TMEM19: variants seen among roughly 807,000 people sequenced by gnomAD.
TMEM19 encodes transmembrane protein 19.
Under a neutral mutation model 33.6 loss-of-function variants are expected in TMEM19, and 21 were observed. The ratio of observed to expected loss-of-function variants is 0.62; its 90% CI spans 0.44 to 0.90. The LOEUF (loss-of-function observed/expected upper bound fraction) is 0.90. TMEM19 is among the 40% of genes least tolerant of loss of function. TMEM19 has a pLI of 0.00. For synonymous variants in TMEM19, 149 were observed against 147.5 expected (o/e 1.01, Z -0.07); for missense variants, 402 against 401.8 (o/e 1.00, Z 0.00).
chr12:71,697,759 A>G (rs1881900709), intron 4 of TMEM19, among the ~76,000 whole-genome samples: 2 of 152,222 alleles, frequency 1.3e-5, no homozygotes, highest in Non-Finnish European at 2.9e-5. Flanking sequence ...GATAAGCAAT[A>G]CAGGAACATA....
At chr12:71,690,570 T>C (rs1881768249) in intron 2 of TMEM19, 1 of 152,206 alleles carries the variant, frequency 6.6e-6, no homozygotes, top group South Asian at 2.1e-4. Context: ...TTATATTCTT[T>C]AGGGCAGATA....
chr12:71,701,075 C>A lies in TMEM19; in HGVS notation c.*80C>A. On this transcript the variant is annotated 3_prime_UTR_variant, in exon 6 of 6. Transcript: ENST00000266673. The stretch of plus-strand genomic sequence containing the variant: ...CCAACTTTCATCCTAAGAATAATAA[C>A]TGTAATGGCAAAGCGGAAATGCCAG... 2 of 1,385,686 alleles carry A rather than the reference C, an allele frequency of 1.4e-6. No individual in the cohort carries two copies. The highest frequency in any genetic ancestry group is 1.9e-6 in the Non-Finnish European group (2 of 1,041,222). 85.8% of individuals were successfully genotyped at this position (1,385,686 alleles called of 1,614,324 possible).
chr12:71,696,294 A>C, intron 2 of TMEM19, 142 bp from the exon 3 acceptor site: 1 of 679,528 alleles, frequency 1.5e-6, no homozygotes, highest in Non-Finnish European at 2.2e-6. Context: ...CTGCTTGCTA[A>C]GAATTTAATT....
At position 71,686,390 on chromosome 12, in the gene TMEM19, C is replaced by T. The variant is rs1403241246; in HGVS notation, c.-291C>T. On this transcript the variant is annotated 5_prime_UTR_variant, in exon 1 of 6. Coordinates refer to ENST00000266673, the MANE Select transcript of TMEM19 (RefSeq NM_018279.4). ...GGCTTTCTCTTTTCCCCGTGGGCTC[C>T]GGCGTGAGGCGCTGAAGCGGCCGGC... The T allele has an allele frequency of 1.0e-5, 3 of 291,268 alleles. No individual in the cohort carries two copies. Among genetic ancestry groups the T allele is most frequent in the East Asian group, 1.3e-4 (1 of 7,964 alleles). The allele number at this position is 291,268 out of a possible 1,614,324, so 18.0% of individuals were successfully genotyped here.
chr12:71,695,777 T>C (rs767805283), intron 2 of TMEM19, among the ~76,000 whole-genome samples: 16 of 152,180 alleles, frequency 1.1e-4, no homozygotes, highest in South Asian at 4.1e-4. Context: ...GGAGGTTAGG[T>C]AACTTATCCT....
intron 2 of TMEM19, among the ~76,000 whole-genome samples, chr12:71,696,096 T>C (rs1198452414): frequency 6.6e-6 from 1 of 152,112 alleles, no homozygotes; most frequent in Non-Finnish European, 1.5e-5. Flanking sequence ...GCTGGGCAGA[T>C]TGCTTGAGCC....
At position 71,689,050 on chromosome 12, in the gene TMEM19, A is replaced by C. The variant is rs371275059; in HGVS notation, c.131-541A>C. Among the ~76,000 whole-genome samples the C allele has an allele frequency of 6.6e-5, 10 of 152,288 alleles. No individual in the cohort carries two copies. The South Asian group carries it at 1.0e-3, about 16-fold the overall frequency. ...TAAATAGCAGTAAAAGGTTTTCAAAACTTGGACATAACCTATTTGGCCATT... is the reference window on the plus strand; with the variant it reads ...TAAATAGCAGTAAAAGGTTTTCAAACCTTGGACATAACCTATTTGGCCATT... On this transcript the variant is annotated intron_variant, in intron 1 of 5. Transcript: ENST00000266673.
intron 2 of TMEM19, among the ~76,000 whole-genome samples, chr12:71,690,833 G>A (rs1881772654): frequency 6.6e-6 from 1 of 152,178 alleles, no homozygotes; most frequent in African/African-American, 2.4e-5. Flanking sequence ...TTATTTGAGA[G>A]TAAGAATAAT....
rs1478713780 is a variant in TMEM19, at chr12:71,686,767, G to A, written c.87G>A (p.Ser29=). ...IVILSLIICI[S]LAFWIISMTA... ...TACTGAGCCTGATCATTTGCATTTCGTTAGCTTTCTGGATTATATCAATGA... is the reference window on the plus strand; with the variant it reads ...TACTGAGCCTGATCATTTGCATTTCATTAGCTTTCTGGATTATATCAATGA... Residue 29 remains serine, a synonymous_variant, in exon 1 of 6, where the codon TCG becomes TCA. Coordinates refer to ENST00000266673, the MANE Select transcript of TMEM19 (RefSeq NM_018279.4). 1 of 1,612,634 alleles carries A rather than the reference G, an allele frequency of 6.2e-7. No homozygotes were observed. Among genetic ancestry groups the A allele is most frequent in the Non-Finnish European group, 8.5e-7 (1 of 1,179,674 alleles).
chr12:71,699,374 C>G, intron 5 of TMEM19: 1 of 558,108 alleles, frequency 1.8e-6, no homozygotes, highest in Non-Finnish European at 3.2e-6. Flanking sequence ...TTTGTGTGAG[C>G]CATTACCTAA....
At position 71,697,345 on chromosome 12, in the gene TMEM19, T is replaced by G; in HGVS notation, c.448T>G (p.Tyr150Asp). ...GAVPTELALL[Y>D]MIENGPGEIP... ...TGTACCCACAGAACTGGCCCTGCTG[T>G]ACATGATAGAAAATGGCCCCGGGGA... The change falls in exon 4 of 6, where the codon TAC becomes GAC. Residue 150 changes from tyrosine to aspartate, a missense_variant. Coordinates refer to ENST00000266673, the MANE Select transcript of TMEM19 (RefSeq NM_018279.4). The G allele has an allele frequency of 1.2e-6, 2 of 1,612,432 alleles. No individual in the cohort carries two copies. The highest frequency in any genetic ancestry group is 1.7e-6 in the Non-Finnish European group (2 of 1,179,482).
At chr12:71,698,010 T>G (rs1282852030) in intron 4 of TMEM19, among the ~76,000 whole-genome samples, 1 of 152,224 alleles carries the variant, frequency 6.6e-6, no homozygotes, top group East Asian at 1.9e-4. Context: ...TTGGAACATT[T>G]CAGATTTACG....
chr12:71,692,838 C>T (rs1234177829), intron 2 of TMEM19, among the ~76,000 whole-genome samples: 2 of 151,902 alleles, frequency 1.3e-5, no homozygotes, highest in South Asian at 2.1e-4. Flanking sequence ...TTTTTAAAAA[C>T]CTTTGCTTTT....
At chr12:71,695,810 G>A (rs1881860851) in intron 2 of TMEM19, among the ~76,000 whole-genome samples, 1 of 152,180 alleles carries the variant, frequency 6.6e-6, no homozygotes, top group Non-Finnish European at 1.5e-5. Context: ...GTAAGTGAAG[G>A]AGCCACAGTT....
intron 2 of TMEM19, among the ~76,000 whole-genome samples, chr12:71,693,109 C>T (rs781707793): frequency 5.9e-5 from 9 of 151,836 alleles, no homozygotes; most frequent in African/African-American, 9.7e-5. Flanking sequence ...GCAGGAGAAC[C>T]GCTTGAACCC....
chr12:71,699,038 C>G lies in TMEM19; in HGVS notation c.776C>G (p.Ala259Gly). ...TCTGCCCCGCAGTGGCCAATTATTGCATTTGGTGGTTTAGCTGGATTACTA... is the reference window on the plus strand; with the variant it reads ...TCTGCCCCGCAGTGGCCAATTATTGGATTTGGTGGTTTAGCTGGATTACTA... ...DISAPQWPII[A>G]FGGLAGLLGS... The change falls in exon 5 of 6, where the codon GCA (alanine) becomes GGA (glycine). Residue 259 changes from alanine to glycine, a missense_variant. By Grantham distance (60) the Ala-to-Gly change is moderately conservative. Transcript: ENST00000266673. 1 of 1,614,178 alleles carries G rather than the reference C, an allele frequency of 6.2e-7. No individual in the cohort carries two copies. The highest frequency in any genetic ancestry group is 1.1e-5 in the South Asian group (1 of 91,074).
intron 5 of TMEM19, among the ~76,000 whole-genome samples, chr12:71,700,101 C>T (rs369391415): frequency 1.2e-4 from 18 of 152,268 alleles, no homozygotes; most frequent in South Asian, 2.1e-4. Flanking sequence ...TGTGCCCTTC[C>T]TCCCCCTCTC....
At chr12:71,697,245 T>G (rs3741690) in intron 3 of TMEM19, 35 bp from the exon 4 acceptor site, 460,116 of 1,553,706 alleles carry the variant, frequency 0.3, 90,194 homozygotes, top group East Asian at 0.82. Context: ...TAAGGAGGAA[T>G]CATTTGTTTG....
intron 5 of TMEM19, 47 bp from the exon 6 acceptor site, chr12:71,700,785 G>A (rs111394631): frequency 5.9e-6 from 8 of 1,360,940 alleles, no homozygotes; most frequent in South Asian, 3.4e-5. Context: ...GAAAAAAAAT[G>A]AAGTCATTTG....
Sources: allele counts gnomAD v4.1 joint callset (sites outside exome capture counted in the v4.1 genomes callset), GRCh38; gene constraint gnomAD v4.1.1; transcripts MANE v1.5; gene names NCBI Gene and HGNC (gene_info 2026-07-23, HGNC 2026-07-21).